The following PTK2B variants were observed in gnomAD, a reference collection of about 807,000 sequenced individuals.
The protein encoded by PTK2B is protein-tyrosine kinase 2-beta.
In PTK2B, 71 loss-of-function variants were observed where a neutral mutation model predicts 142.9. That is an observed-to-expected ratio of 0.50 (90% CI 0.41 to 0.61). The LOEUF (loss-of-function observed/expected upper bound fraction) is 0.61, where lower values mean the gene tolerates loss of function less well. PTK2B is among the 20% of genes least tolerant of loss of function. The pLI is 0.00. For synonymous variants in PTK2B, 519 were observed against 503.4 expected (o/e 1.03, Z -0.42); for missense variants, 1,105 against 1,320.4 (o/e 0.84, Z 2.53).
intron 1 of PTK2B, among the ~76,000 whole-genome samples, chr8:27,360,813 G>A (rs905101269): frequency 1.1e-4 from 16 of 152,144 alleles, no homozygotes; most frequent in Admixed American, 7.9e-4. Flanking sequence ...CATTTCTCTC[G>A]CCCTCTGGGT....
In PTK2B at chr8:27,459,030, AGTTT is replaced by A; in HGVS notation, c.*523_*526del. 3 of 260,208 alleles carry A rather than the reference AGTTT, an allele frequency of 1.2e-5. No homozygotes were observed. Among genetic ancestry groups the A allele is most frequent in the South Asian group, 1.0e-4 (1 of 9,936 alleles). 16.1% of individuals were successfully genotyped at this position (260,208 alleles called of 1,614,324 possible). On this transcript the variant is annotated 3_prime_UTR_variant, in exon 31 of 31. Transcript: ENST00000346049. ...TGTATATTGAAATTTATTTAATGTGAGTTTGGTCTGGACTGACAGCATGTGCCCT... is the reference window on the plus strand; with the variant it reads ...TGTATATTGAAATTTATTTAATGTGAGGTCTGGACTGACAGCATGTGCCCT...
intron 1 of PTK2B, among the ~76,000 whole-genome samples, chr8:27,342,921 T>C (rs979935978): frequency 1.3e-5 from 2 of 152,154 alleles, no homozygotes; most frequent in Admixed American, 1.3e-4. Flanking sequence ...GAGACCTGTT[T>C]ACATTGGCCC....
At chr8:27,382,580 C>T (rs1242493801) in intron 1 of PTK2B, among the ~76,000 whole-genome samples, 1 of 151,918 alleles carries the variant, frequency 6.6e-6, no homozygotes, top group African/African-American at 2.4e-5. Flanking sequence ...TCCCATGTGC[C>T]TATTTTTGCT....
At chr8:27,385,138 A>G (rs968612441) in intron 1 of PTK2B, among the ~76,000 whole-genome samples, 1 of 152,204 alleles carries the variant, frequency 6.6e-6, no homozygotes, top group African/African-American at 2.4e-5. Context: ...ACAGGGGGTA[A>G]TGGTACCTAG....
rs145156050 is a variant in PTK2B at position 27,397,634 on chromosome 8, G to A, written c.50G>A (p.Arg17His). The change falls in exon 2 of 31, where the codon CGC becomes CAC. Residue 17 changes from arginine (R) to histidine (H), a missense_variant. Physicochemically the swap from Arg to His is conservative, Grantham distance 29. Coordinates refer to ENST00000346049, the MANE Select transcript of PTK2B (RefSeq NM_173176.3). Reference sequence around the variant, plus strand: ...AGTCGAGTAAAGTTGGGCACGTTACGCCGGCCTGAAGGCCCTGCAGAGCCC... The same window carrying A: ...AGTCGAGTAAAGTTGGGCACGTTACACCGGCCTGAAGGCCCTGCAGAGCCC... Reference protein sequence around the residue: ...PLSRVKLGTLRRPEGPAEPMV... With the variant: ...PLSRVKLGTLHRPEGPAEPMV... The A allele has an allele frequency of 2.4e-5, 39 of 1,614,092 alleles. 1 individual carries two copies. The African/African-American group carries it at 2.5e-4, about 10-fold the overall frequency.
chr8:27,422,445 T>C, intron 5 of PTK2B, 62 bp downstream of exon 5: 1 of 1,386,346 alleles, frequency 7.2e-7, no homozygotes, highest in Non-Finnish European at 9.7e-7. Flanking sequence ...AGGCCCGACC[T>C]TTCCCCATGT....
intron 21 of PTK2B, among the ~76,000 whole-genome samples, chr8:27,442,534 T>C (rs1172375635): frequency 6.6e-6 from 1 of 152,130 alleles, no homozygotes; most frequent in Non-Finnish European, 1.5e-5. Context: ...TACATAGGGG[T>C]TTGGTGCCAA....
At chr8:27,446,793 G>A (rs182123183) in intron 24 of PTK2B, among the ~76,000 whole-genome samples, 3 of 152,314 alleles carry the variant, frequency 2.0e-5, no homozygotes, top group Admixed American at 2.0e-4. Context: ...AGGCAAGTAT[G>A]CTGATATTAC....
chr8:27,322,490 T>C (rs756091531), upstream of PTK2B: 4 of 152,200 alleles, frequency 2.6e-5, no homozygotes, highest in Non-Finnish European at 5.9e-5. Flanking sequence ...CTTGATAAAC[T>C]ATATGGCAGG....
chr8:27,442,389 G>A (rs954576179), intron 21 of PTK2B, among the ~76,000 whole-genome samples: 1 of 152,264 alleles, frequency 6.6e-6, no homozygotes, highest in Middle Eastern at 3.4e-3. Flanking sequence ...TGAGAGGCGC[G>A]CACATGGCTA....
At chr8:27,432,872 GC>G (rs1810528351) in intron 10 of PTK2B, among the ~76,000 whole-genome samples, 1 of 151,882 alleles carries the variant, frequency 6.6e-6, no homozygotes, top group Non-Finnish European at 1.5e-5. Flanking sequence ...TGTCACCCAG[GC>G]TACAGTGCAG....
chr8:27,370,870 A>G (rs1420469815), intron 1 of PTK2B, among the ~76,000 whole-genome samples: 1 of 152,140 alleles, frequency 6.6e-6, no homozygotes, highest in Non-Finnish European at 1.5e-5. Flanking sequence ...TTTAAAGAGA[A>G]AACTGTGGTG....
At chr8:27,426,202 A>C (rs1319247390) in intron 5 of PTK2B, among the ~76,000 whole-genome samples, 2 of 152,244 alleles carry the variant, frequency 1.3e-5, no homozygotes, top group Non-Finnish European at 2.9e-5. Context: ...GTTTGTAGTT[A>C]ATTTCTATTG....
intron 24 of PTK2B, among the ~76,000 whole-genome samples, chr8:27,447,191 A>G (rs895871368): frequency 2.6e-5 from 4 of 152,244 alleles, no homozygotes; most frequent in African/African-American, 9.6e-5. Context: ...GAGATTGTGC[A>G]GTAGGAAAAA....
intron 10 of PTK2B, among the ~76,000 whole-genome samples, chr8:27,432,837 C>G (rs997448282): frequency 6.6e-6 from 1 of 151,672 alleles, no homozygotes; most frequent in Non-Finnish European, 1.5e-5. Flanking sequence ...TTCTTTCTTT[C>G]TTTTTTTTAG....
rs774662036 is a variant in PTK2B at position 27,454,265 on chromosome 8, C to A, written c.2707C>A (p.Pro903Thr). Reference sequence around the variant, plus strand: ...CAAGAATGAGCTCTGTCAGCTGCCCCCCGAGGGCTACGTGGTGGTGGTGAA... The same window carrying A: ...CAAGAATGAGCTCTGTCAGCTGCCCACCGAGGGCTACGTGGTGGTGGTGAA... ...ELKNELCQLP[P>T]EGYVVVVKNV... is the part of the protein sequence containing the mutation. The change falls in exon 29 of 31, where the codon CCC (proline) becomes ACC (threonine). Residue 903 changes from proline to threonine, a missense_variant. Transcript: ENST00000346049. 2.5e-6 allele frequency: 4 copies of A among 1,613,966 alleles called. No homozygotes were observed. The highest frequency in any genetic ancestry group is 1.7e-5 in the Admixed American group (1 of 59,998).
rs1328258796 is a variant in PTK2B at position 27,437,400 on chromosome 8, C to T, written c.1431C>T (p.Ile477=). 6.2e-7 allele frequency: 1 copy of T among 1,611,308 alleles called. No homozygotes were observed. Among genetic ancestry groups the T allele is most frequent in the East Asian group, 2.2e-5 (1 of 44,874 alleles). ...NKEKFMSEAV[I]MKNLDHPHIV... is the part of the protein sequence containing the mutation. ...TCTTGCCCCACCACACTGCAGTGAT[C>T]ATGAAGAACCTCGACCACCCGCACA... Residue 477 remains isoleucine, a synonymous_variant, in exon 17 of 31, where the codon ATC becomes ATT. Coordinates refer to ENST00000346049, the MANE Select transcript of PTK2B (RefSeq NM_173176.3).
chr8:27,334,968 T>C (rs1014883979), intron 1 of PTK2B, among the ~76,000 whole-genome samples: 23 of 152,166 alleles, frequency 1.5e-4, no homozygotes, highest in Non-Finnish European at 3.2e-4. Context: ...CTTTCCCTTT[T>C]CTCTCCTCCT....
intron 4 of PTK2B, among the ~76,000 whole-genome samples, chr8:27,421,818 C>T (rs1468601115): frequency 6.6e-6 from 1 of 152,216 alleles, no homozygotes; most frequent in East Asian, 1.9e-4. Flanking sequence ...AGTGCCAAGC[C>T]CAGCACCAGG....
Sources: allele counts gnomAD v4.1 joint callset (sites outside exome capture counted in the v4.1 genomes callset), GRCh38; gene constraint gnomAD v4.1.1; transcripts MANE v1.5; gene names NCBI Gene and HGNC (gene_info 2026-07-23, HGNC 2026-07-21).